The following RASA2 variants were observed in gnomAD, a reference collection of about 807,000 sequenced individuals.
The protein encoded by RASA2 is ras GTPase-activating protein 2.
Under a neutral mutation model 118.2 loss-of-function variants are expected in RASA2, and 155 were observed. The observed-to-expected ratio is 1.31, with a 90% CI of 1.15 to 1.50. The LOEUF is 1.50. Ranked by LOEUF, RASA2 falls within the 40% of genes most tolerant of loss-of-function variation. RASA2 has a pLI of 0.00. For synonymous variants in RASA2, 353 were observed against 349.1 expected, an observed-to-expected ratio of 1.01 and a Z score of -0.12; for missense variants, 1,016 against 1,009.6, an observed-to-expected ratio of 1.01 and a Z score of -0.09.
intron 19 of RASA2, among the ~76,000 whole-genome samples, chr3:141,596,779 A>G (rs2083380075): frequency 1.3e-5 from 2 of 152,238 alleles, no homozygotes; most frequent in South Asian, 4.1e-4. Context: ...TCTGTAACAA[A>G]TAAGACAGAC....
intron 3 of RASA2, among the ~76,000 whole-genome samples, chr3:141,518,942 T>G (rs924164960): frequency 2.0e-5 from 3 of 152,234 alleles, no homozygotes; most frequent in Admixed American, 1.3e-4. Context: ...CATAATATCC[T>G]TTATAGAAAA....
chr3:141,500,780 T>G (rs2081767349), intron 1 of RASA2, among the ~76,000 whole-genome samples: 2 of 152,220 alleles, frequency 1.3e-5, no homozygotes, highest in Admixed American at 1.3e-4. Context: ...TGGCAATAAG[T>G]GTTAATATCT....
At chr3:141,550,697 G>A (rs1490093659) in intron 5 of RASA2, among the ~76,000 whole-genome samples, 1 of 152,194 alleles carries the variant, frequency 6.6e-6, no homozygotes, top group African/African-American at 2.4e-5. Flanking sequence ...AGATTAATAT[G>A]TCTACTTTGA....
intron 5 of RASA2, among the ~76,000 whole-genome samples, chr3:141,542,082 C>T (rs2151103423): frequency 6.7e-6 from 1 of 150,364 alleles, no homozygotes; most frequent in Admixed American, 6.6e-5. Context: ...GTTTTTTCCC[C>T]CATCCTTCTA....
At chr3:141,493,279 G>A (rs559022306) in intron 1 of RASA2, among the ~76,000 whole-genome samples, 1 of 152,198 alleles carries the variant, frequency 6.6e-6, no homozygotes, top group African/African-American at 2.4e-5. Flanking sequence ...ACTCTTAACT[G>A]TTCCTTCTTA....
chr3:141,545,640 G>A (rs2082474300), intron 5 of RASA2, among the ~76,000 whole-genome samples: 1 of 151,618 alleles, frequency 6.6e-6, no homozygotes, highest in Admixed American at 6.6e-5. Context: ...TAGAGTTGGG[G>A]TTTCATCATG....
At chr3:141,608,340 T>C in intron 20 of RASA2, 149 bp from the exon 21 acceptor site, 1 of 748,190 alleles carries the variant, frequency 1.3e-6, no homozygotes, top group Non-Finnish European at 2.2e-6. Context: ...TGGGACTAAC[T>C]TGCTTGAAAC....
In RASA2 at chr3:141,565,491, G is replaced by T. The variant is rs527321329; in HGVS notation, c.864-5421G>T. ...ATCATCCCCACATGTCAAGGGCAGG[G>T]CCAGGTGAAGATAATTGAATCATCG... On this transcript the variant is annotated intron_variant, in intron 9 of 23. Coordinates refer to ENST00000286364, the MANE Select transcript of RASA2 (RefSeq NM_006506.5). 3.9e-5 allele frequency among the ~76,000 whole-genome samples: 6 copies of T among 152,276 alleles called. No individual in the cohort carries two copies. In the South Asian group the frequency reaches 1.2e-3, roughly 32 times the overall value.
At chr3:141,549,547 T>C (rs958950475) in intron 5 of RASA2, among the ~76,000 whole-genome samples, 5 of 151,890 alleles carry the variant, frequency 3.3e-5, no homozygotes, top group Non-Finnish European at 5.9e-5. Context: ...CTCCAGTAGA[T>C]TTTTCTGTGA....
chr3:141,569,881 G>A (rs1362311054), intron 9 of RASA2, among the ~76,000 whole-genome samples: 2 of 152,012 alleles, frequency 1.3e-5, no homozygotes, highest in Admixed American at 6.6e-5. Context: ...GAGAACATAG[G>A]GTATTTGGTT....
chr3:141,579,535 A>G (rs2083068620), intron 15 of RASA2: 3 of 152,196 alleles, frequency 2.0e-5, no homozygotes, highest in Admixed American at 2.0e-4. Context: ...CCTAAGCTGA[A>G]TTTAGGTCTT....
At chr3:141,565,977 G>A (rs1436559141) in intron 9 of RASA2, among the ~76,000 whole-genome samples, 2 of 151,994 alleles carry the variant, frequency 1.3e-5, no homozygotes, top group African/African-American at 2.4e-5. Context: ...TGGTTAATTC[G>A]CTAGTTGTCT....
intron 17 of RASA2, among the ~76,000 whole-genome samples, chr3:141,582,455 T>C (rs1284230077): frequency 6.6e-6 from 1 of 152,238 alleles, no homozygotes; most frequent in Non-Finnish European, 1.5e-5. Flanking sequence ...TACTGTCTTT[T>C]GTTTGAGGGT....
intron 15 of RASA2, chr3:141,578,825 G>T (rs189574975): frequency 2.0e-4 from 31 of 152,308 alleles, no homozygotes; most frequent in African/African-American, 6.3e-4. Context: ...ACTTAGGTTG[G>T]TTCTATGACT....
chr3:141,496,477 AAAC>A (rs947793872), intron 1 of RASA2, among the ~76,000 whole-genome samples: 4 of 152,340 alleles, frequency 2.6e-5, no homozygotes, highest in South Asian at 2.1e-4. Flanking sequence ...TACAAGAAAA[AAAC>A]AACCCCATGA....
At chr3:141,600,641 C>T (rs924878880) in intron 19 of RASA2, 6 of 163,324 alleles carry the variant, frequency 3.7e-5, no homozygotes, top group African/African-American at 1.2e-4. Context: ...CAGGAGGAGT[C>T]CTTCAGAGCT....
intron 9 of RASA2, among the ~76,000 whole-genome samples, chr3:141,563,096 T>C (rs1419948716): frequency 6.6e-6 from 1 of 152,218 alleles, no homozygotes; most frequent in Non-Finnish European, 1.5e-5. Flanking sequence ...TAGAATTGTT[T>C]AAATGCTGAT....
chr3:141,536,239 C>T (rs2082323351), intron 4 of RASA2, among the ~76,000 whole-genome samples: 1 of 152,118 alleles, frequency 6.6e-6, no homozygotes, highest in African/African-American at 2.4e-5. Context: ...TCTTACATGG[C>T]AGTGGCAAAA....
Position 141,487,103 on chromosome 3 carries a change from C to A in RASA2, c.20C>A (p.Ala7Asp). The change falls in exon 1 of 24, where the codon GCT (alanine) becomes GAT (aspartate). Residue 7 changes from alanine (A) to aspartate (D), a missense_variant. Physicochemically the swap from Ala to Asp is moderately radical, Grantham distance 126 (BLOSUM62 -2). Around this residue, in one of 2 missense-constraint regions of RASA2, gnomAD observed 896 missense variants for 836.4 expected, o/e 1.07. Coordinates refer to ENST00000286364, the MANE Select transcript of RASA2 (RefSeq NM_006506.5). MAAAAP[A>D]AAAASSEAPA... ...GGCACCATGGCGGCGGCGGCGCCTG[C>A]TGCTGCGGCGGCTTCTTCCGAGGCG... 1 of 1,399,486 alleles carries A rather than the reference C, an allele frequency of 7.1e-7. No individual in the cohort carries two copies. Among genetic ancestry groups the A allele is most frequent in the Non-Finnish European group, 9.4e-7 (1 of 1,063,282 alleles). The allele number at this position is 1,399,486 out of a possible 1,614,324, so 86.7% of individuals were successfully genotyped here.
Sources: gnomAD v4.1 joint callset for allele counts (sites outside exome capture counted in the v4.1 genomes callset) on GRCh38, gnomAD v4.1.1 for gene constraint, gnomAD v4.1.1 regional missense constraint, MANE v1.5 for transcripts, NCBI Gene and HGNC (gene_info 2026-07-23, HGNC 2026-07-21) for gene names.